The following MFN2 variants were observed in gnomAD, a reference collection of about 807,000 sequenced individuals.
MFN2 encodes mitofusin 2, also known as mitofusin-2.
Under a neutral mutation model 87.5 loss-of-function variants are expected in MFN2, and 43 were observed. The observed-to-expected ratio is 0.49, with a 90% CI of 0.38 to 0.63. MFN2 has a LOEUF of 0.63. Among genes scored for constraint, MFN2 ranks in the 30% least tolerant of loss-of-function variants. The probability of loss-of-function intolerance (pLI) is 0.00; values close to 1 mark genes in which losing one functional copy is unlikely to be tolerated. For synonymous variants in MFN2, 337 were observed against 359.9 expected (o/e 0.94, Z 0.72); for missense variants, 743 against 972.8 (o/e 0.76, Z 3.14).
chr1:12,006,389 A>T, intron 15 of MFN2, 149 bp from the exon 16 acceptor site: 2 of 1,062,770 alleles, frequency 1.9e-6, no homozygotes, highest in Non-Finnish European at 2.7e-6. Flanking sequence ...CTCCTCTGCT[A>T]CATCTGAAGC....
Position 12,004,521 on chromosome 1 carries a change from A to G in MFN2, c.1300A>G (p.Met434Val), listed in dbSNP as rs1460427784. ...CCTTTTGCTGTAGGTGTCGACTGCA[A>G]TGGCCGAGGAGATCAGGCGCCTCTC... The part of the protein sequence containing the change: ...EEVERQVSTA[M>V]AEEIRRLSVL... The change falls in exon 13 of 19, where the codon ATG becomes GTG. Residue 434 changes from methionine (M) to valine (V), a missense_variant. Met to Val is a conservative substitution (Grantham distance 21, BLOSUM62 1). Around this residue, in one of 3 missense-constraint regions of MFN2, gnomAD observed 571 missense variants for 670.7 expected, o/e 0.85. Transcript: ENST00000235329. This position sits in a 1 kb window ranked among gnomAD's most constrained non-coding sequence, Gnocchi z 4.2. 6.2e-7 allele frequency: 1 copy of G among 1,614,022 alleles called. No homozygotes were observed. The highest frequency in any genetic ancestry group is 1.3e-5 in the African/African-American group (1 of 74,912).
intron 15 of MFN2, 115 bp from the exon 16 acceptor site, chr1:12,006,422 TG>T: frequency 1.4e-6 from 2 of 1,400,636 alleles, no homozygotes; most frequent in South Asian, 1.2e-5. Flanking sequence ...TTTTGCCTTT[TG>T]GAAATTGAAG....
At chr1:12,009,755 A>G (rs775678790) in intron 18 of MFN2, 29 bp downstream of exon 18, 3 of 1,613,942 alleles carry the variant, frequency 1.9e-6, no homozygotes, top group East Asian at 2.2e-5. Flanking sequence ...GCCAAAGGTT[A>G]GGGCTCCAGG....
At chr1:11,995,597 C>T (rs1259155178) in intron 4 of MFN2, among the ~76,000 whole-genome samples, 1 of 152,014 alleles carries the variant, frequency 6.6e-6, no homozygotes, top group East Asian at 1.9e-4. Context: ...CGTGCCACTG[C>T]ACTCCAGCCT....
intron 17 of MFN2, 113 bp downstream of exon 17, chr1:12,007,362 C>G: frequency 7.5e-7 from 1 of 1,327,174 alleles, no homozygotes; most frequent in South Asian, 1.3e-5. Flanking sequence ...TCCTAAGCAT[C>G]GTAGACCCTG....
chr1:12,002,459 C>T (rs1639220739), intron 11 of MFN2, among the ~76,000 whole-genome samples: 1 of 152,220 alleles, frequency 6.6e-6, no homozygotes, highest in African/African-American at 2.4e-5. Flanking sequence ...TTTGGGAGAC[C>T]AAGGCAGGAG....
At chr1:11,993,458 G>A (rs562258155) in intron 4 of MFN2, among the ~76,000 whole-genome samples, 12 of 152,192 alleles carry the variant, frequency 7.9e-5, no homozygotes, top group Middle Eastern at 3.4e-3. Context: ...AAAATATGCC[G>A]GGCATGGTGG....
Position 12,004,581 on chromosome 1 carries a change from C to T in MFN2, c.1360C>T (p.Pro454Ser). Residue 454 changes from proline (P) to serine (S), a missense_variant, in exon 13 of 19, where the codon CCT becomes TCT. By Grantham distance (74) the Pro-to-Ser change is moderately conservative. This residue lies in a region of MFN2 where 571 missense variants were observed against 670.7 expected (regional missense o/e 0.85). Coordinates refer to ENST00000235329, the MANE Select transcript of MFN2 (RefSeq NM_014874.4). This position sits in a 1 kb window ranked among gnomAD's most constrained non-coding sequence, Gnocchi z 4.2. ...GGACGATTACCAGATGGACTTCCACCCTTCTCCAGTAGTCCTCAAGGTTTA... is the reference window on the plus strand; with the variant it reads ...GGACGATTACCAGATGGACTTCCACTCTTCTCCAGTAGTCCTCAAGGTTTA... The part of the protein sequence containing the change: ...LVDDYQMDFH[P>S]SPVVLKVYKN... 1 of 1,614,140 alleles carries T rather than the reference C, an allele frequency of 6.2e-7. No homozygotes were observed. The highest frequency in any genetic ancestry group is 8.5e-7 in the Non-Finnish European group (1 of 1,180,026).
At position 12,013,166 on chromosome 1, in the gene MFN2, C is replaced by T. The variant is rs746717767; in HGVS notation, c.*1601C>T. On this transcript the variant is annotated 3_prime_UTR_variant, in exon 19 of 19. Transcript: ENST00000235329. The stretch of plus-strand genomic sequence containing the variant: ...CATGTCAGGGAAAATCACTGTCACA[C>T]AATTCCAATGGATTTTGTGCTCTTT... 6 of 350,236 alleles carry T rather than the reference C, an allele frequency of 1.7e-5. No individual in the cohort carries two copies. The highest frequency in any genetic ancestry group is 4.4e-5 in the South Asian group (2 of 45,896). The allele number at this position is 350,236 out of a possible 1,614,324, so 21.7% of individuals were successfully genotyped here. A position where few individuals can be genotyped will look rare whatever the true frequency, so the allele number is the denominator to read the frequency against.
chr1:12,006,447 C>T (rs1163988036), intron 15 of MFN2, 91 bp from the exon 16 acceptor site: 7 of 1,540,238 alleles, frequency 4.5e-6, no homozygotes, highest in Non-Finnish European at 6.2e-6. Context: ...CACTCTGTGT[C>T]CCTGTTCCCC....
rs1262984340 is a variant in MFN2 at position 12,003,567 on chromosome 1, AG to A, written c.1161-424del. ...TAATCCCAGCTACTCGGGAGGCTGAAGCAGGAGAATCGCTTGAACCCAGGAA... is the reference window on the plus strand; with the variant it reads ...TAATCCCAGCTACTCGGGAGGCTGAACAGGAGAATCGCTTGAACCCAGGAA... On this transcript the variant is annotated intron_variant, in intron 11 of 18. Transcript: ENST00000235329. The surrounding 1 kb of genome is among the most constrained non-coding windows in gnomAD (Gnocchi z 4.1). Among the ~76,000 whole-genome samples, 1 of 152,070 alleles carries A rather than the reference AG, an allele frequency of 6.6e-6. No individual in the cohort carries two copies. The highest frequency in any genetic ancestry group is 1.5e-5 in the Non-Finnish European group (1 of 67,992).
intron 2 of MFN2, among the ~76,000 whole-genome samples, chr1:11,988,380 G>A (rs1356871798): frequency 6.6e-6 from 1 of 151,102 alleles, no homozygotes; most frequent in Admixed American, 6.6e-5. Context: ...TGGGATTACA[G>A]GCATAACCCA....
At chr1:11,993,453 A>C (rs1239072891) in intron 4 of MFN2, among the ~76,000 whole-genome samples, 1 of 152,162 alleles carries the variant, frequency 6.6e-6, no homozygotes. Context: ...ATCTAAAAAT[A>C]TGCCGGGCAT....
chr1:11,984,529 C>G (rs1334404369), intron 2 of MFN2, among the ~76,000 whole-genome samples: 1 of 152,190 alleles, frequency 6.6e-6, no homozygotes, highest in African/African-American at 2.4e-5. Flanking sequence ...GGTTTTCATC[C>G]ACGGATCCAG....
Position 12,006,702 on chromosome 1 carries a change from C to T in MFN2, c.1872+9C>T. ...TTGTTGTTGGAGGAGTGGTCAGTGA[C>T]CAGTTCTGCTCGGGAAGGTGGGGGC... On this transcript the variant is annotated intron_variant, in intron 16 of 18. Coordinates refer to ENST00000235329, the MANE Select transcript of MFN2 (RefSeq NM_014874.4). 6.2e-7 allele frequency: 1 copy of T among 1,614,116 alleles called. No individual in the cohort carries two copies.
Position 12,004,763 on chromosome 1 carries a change from G to A in MFN2, c.1393-62G>A, listed in dbSNP as rs1356629640. On this transcript the variant is annotated intron_variant, in intron 13 of 18. Coordinates refer to ENST00000235329, the MANE Select transcript of MFN2 (RefSeq NM_014874.4). This position sits in a 1 kb window ranked among gnomAD's most constrained non-coding sequence, Gnocchi z 4.2. ...GTCAGCCTTCTGGGGTCACCTGGTG[G>A]ATGTGGCCTGAAGGGAATTTTGATG... 11 of 1,552,448 alleles carry A rather than the reference G, an allele frequency of 7.1e-6. No individual in the cohort carries two copies. Among genetic ancestry groups the A allele is most frequent in the African/African-American group, 4.1e-5 (3 of 73,560 alleles).
chr1:11,982,823 G>A (rs578110796), intron 2 of MFN2, among the ~76,000 whole-genome samples: 1 of 152,296 alleles, frequency 6.6e-6, no homozygotes, highest in East Asian at 1.9e-4. Flanking sequence ...GCACTTTTTA[G>A]GGGTAGGGGC....
rs757173288 is a variant in MFN2, at chr1:12,007,292, C to T, written c.2069+43C>T. 3.8e-6 allele frequency: 6 copies of T among 1,596,398 alleles called. No individual in the cohort carries two copies. In the South Asian group the frequency reaches 5.6e-5, roughly 15 times the overall value. On this transcript the variant is annotated intron_variant, in intron 17 of 18. Transcript: ENST00000235329. ...ACCCCAGCAGGGGACTTCCTTTAGGCAGGGTCAGCCCCATCTCCCTTCCCC... is the reference window on the plus strand; with the variant it reads ...ACCCCAGCAGGGGACTTCCTTTAGGTAGGGTCAGCCCCATCTCCCTTCCCC...
intron 6 of MFN2, among the ~76,000 whole-genome samples, chr1:11,998,040 T>C (rs375001591): frequency 1.1e-3 from 167 of 151,346 alleles, no homozygotes; most frequent in Middle Eastern, 3.4e-3. Context: ...CCCGCCACCA[T>C]GCCTGGCTAA....
Sources: gnomAD v4.1 joint callset for allele counts (sites outside exome capture counted in the v4.1 genomes callset) on GRCh38, gnomAD v4.1.1 for gene constraint, gnomAD v4.1.1 regional missense constraint, Gnocchi (gnomAD v3.1) non-coding constraint, MANE v1.5 for transcripts, NCBI Gene and HGNC (gene_info 2026-07-23, HGNC 2026-07-21) for gene names.